The following SDK1 variants were observed in gnomAD, a reference collection of about 807,000 sequenced individuals.
SDK1 encodes the protein sidekick cell adhesion molecule 1.
In SDK1, 157 loss-of-function variants were observed where a neutral mutation model predicts 245.5. That is an observed-to-expected ratio of 0.64 (90% CI 0.56 to 0.73). The LOEUF is 0.73. Ranked by LOEUF, SDK1 falls within the 30% of genes least tolerant of loss-of-function variation. SDK1 has a pLI of 0.00. For synonymous variants in SDK1, 1,647 were observed against 1,278.5 expected, an observed-to-expected ratio of 1.29 and a Z score of -6.15; for missense variants, 3,583 against 3,002.3, an observed-to-expected ratio of 1.19 and a Z score of -4.52.
chr7:4,129,603 T>G, intron 26 of SDK1: 1 of 1,151,382 alleles, frequency 8.7e-7, no homozygotes, highest in East Asian at 4.1e-5. Flanking sequence ...GAGTCTTTGT[T>G]TTAGTGGCTG....
chr7:3,393,225 G>A (rs971222744), intron 1 of SDK1, among the ~76,000 whole-genome samples: 1 of 151,916 alleles, frequency 6.6e-6, no homozygotes, highest in Non-Finnish European at 1.5e-5. Context: ...ACCTACCTCA[G>A]CCTCCCACAG....
intron 44 of SDK1, among the ~76,000 whole-genome samples, chr7:4,256,904 A>G (rs1304847917): frequency 6.6e-6 from 1 of 152,210 alleles, no homozygotes; most frequent in Non-Finnish European, 1.5e-5. Flanking sequence ...CTATTGCTAA[A>G]GTGAAAATTC....
At chr7:3,626,551 A>T (rs192703447) in intron 2 of SDK1, among the ~76,000 whole-genome samples, 54 of 152,238 alleles carry the variant, frequency 3.5e-4, no homozygotes, top group Non-Finnish European at 6.3e-4. Context: ...CCCTCATCTC[A>T]CCTTTTAGTT....
Position 4,067,930 on chromosome 7 carries a change from A to T in SDK1, c.3004A>T (p.Ile1002Phe). 6.2e-7 allele frequency: 1 copy of T among 1,607,006 alleles called. No individual in the cohort carries two copies. Among genetic ancestry groups the T allele is most frequent in the Non-Finnish European group, 8.5e-7 (1 of 1,174,840 alleles). The change falls in exon 20 of 45, where the codon ATT becomes TTT. Residue 1002 changes from isoleucine (I) to phenylalanine (F), a missense_variant. Physicochemically the swap from Ile to Phe is conservative, Grantham distance 21. Transcript: ENST00000404826. ...GGAGCCCCTGGAGAAAAATGGCATCATTACTGGTAAGTAGGCCTGTCCTTC... is the reference window on the plus strand; with the variant it reads ...GGAGCCCCTGGAGAAAAATGGCATCTTTACTGGTAAGTAGGCCTGTCCTTC... Reference protein sequence around the residue: ...WQEPLEKNGIITGYQISWEVY... With the variant: ...WQEPLEKNGIFTGYQISWEVY...
chr7:3,692,633 A>G lies in SDK1; in HGVS notation c.713+50528A>G, dbSNP rs1583313228. On this transcript the variant is annotated intron_variant, in intron 4 of 44. Transcript: ENST00000404826. ...ATATAAACTCTTGGCTACATGTTTT[A>G]TTTAGTCTACTAGATAATCTAGAAT... 5.9e-5 allele frequency among the ~76,000 whole-genome samples: 9 copies of G among 152,216 alleles called. 2 individuals carry two copies. In the South Asian group the frequency reaches 1.9e-3, roughly 32 times the overall value.
intron 5 of SDK1, among the ~76,000 whole-genome samples, chr7:3,929,997 T>G (rs995309205): frequency 1.3e-5 from 2 of 152,140 alleles, no homozygotes; most frequent in African/African-American, 4.8e-5. Context: ...TTTATTTTCT[T>G]TACCTAATTG....
intron 1 of SDK1, among the ~76,000 whole-genome samples, chr7:3,405,803 T>G (rs1179933060): frequency 6.8e-6 from 1 of 147,102 alleles, no homozygotes; most frequent in Non-Finnish European, 1.5e-5. Context: ...TTTCTTTTCT[T>G]TTCTTTCTTT....
intron 1 of SDK1, among the ~76,000 whole-genome samples, chr7:3,454,423 T>TATGTGTGTGC (rs1554273969): frequency 6.7e-6 from 1 of 150,042 alleles, no homozygotes; most frequent in Non-Finnish European, 1.5e-5. Context: ...TGTGTGTGTG[T>TATGTGTGTGC]GCTGTGTACA....
chr7:3,454,261 T>G (rs527863006), intron 1 of SDK1, among the ~76,000 whole-genome samples: 4 of 152,306 alleles, frequency 2.6e-5, no homozygotes, highest in African/African-American at 9.6e-5. Context: ...ACAGCTAGAT[T>G]ATGAAAATCA....
At chr7:3,323,064 A>G (rs1384785660) in intron 1 of SDK1, among the ~76,000 whole-genome samples, 1 of 152,052 alleles carries the variant, frequency 6.6e-6, no homozygotes, top group African/African-American at 2.4e-5. Flanking sequence ...GGCCTCCTAG[A>G]GTGCTGAAAT....
At chr7:3,598,314 T>G (rs139601789) in intron 1 of SDK1, among the ~76,000 whole-genome samples, 1 of 152,232 alleles carries the variant, frequency 6.6e-6, no homozygotes. Context: ...TTGCAAGATA[T>G]GCATTATCAG....
At chr7:3,602,909 T>C (rs924792367) in intron 1 of SDK1, among the ~76,000 whole-genome samples, 16 of 152,120 alleles carry the variant, frequency 1.1e-4, no homozygotes, top group African/African-American at 3.9e-4. Context: ...TAGCCAGTTT[T>C]CCCAGCACCA....
chr7:3,557,970 A>G (rs1447177300), intron 1 of SDK1, among the ~76,000 whole-genome samples: 1 of 152,178 alleles, frequency 6.6e-6, no homozygotes, highest in Non-Finnish European at 1.5e-5. Flanking sequence ...AATTATCAGT[A>G]TTAGACAAAG....
rs184157047 is a variant in SDK1, at chr7:3,676,407, G to T, written c.713+34302G>T. Among the ~76,000 whole-genome samples the T allele has an allele frequency of 1.5e-3, 229 of 148,062 alleles. 4 individuals are homozygous for T. The highest frequency in any genetic ancestry group is 5.5e-3 in the African/African-American group (222 of 40,132). ...GTGGCGCAGTCTCAGCTCAGTGCAA[G>T]CTCCACCTCCCAGGTTCACACCATT... On this transcript the variant is annotated intron_variant, in intron 4 of 44. Coordinates refer to ENST00000404826, the MANE Select transcript of SDK1 (RefSeq NM_152744.4).
At chr7:3,538,853 T>C (rs888597036) in intron 1 of SDK1, among the ~76,000 whole-genome samples, 1 of 152,172 alleles carries the variant, frequency 6.6e-6, no homozygotes, top group Non-Finnish European at 1.5e-5. Context: ...CCAAAGAAAG[T>C]GTTCCAAAAG....
chr7:3,825,799 C>A (rs999148498), intron 5 of SDK1, among the ~76,000 whole-genome samples: 9 of 152,148 alleles, frequency 5.9e-5, no homozygotes, highest in African/African-American at 2.2e-4. Flanking sequence ...TCCTATTTTC[C>A]TTGTACCGTT....
intron 4 of SDK1, among the ~76,000 whole-genome samples, chr7:3,793,286 ATCTTG>A (rs1778863496): frequency 6.6e-6 from 1 of 152,150 alleles, no homozygotes. Flanking sequence ...TCAGCTTTAA[ATCTTG>A]TCTTCCATTC....
At chr7:4,033,762 A>T (rs28634483) in intron 17 of SDK1, among the ~76,000 whole-genome samples, 47,351 of 151,978 alleles carry the variant, frequency 0.31, 11,297 homozygotes, top group African/African-American at 0.67. Context: ...CACACAGAGA[A>T]CAATGTGATA....
intron 4 of SDK1, among the ~76,000 whole-genome samples, chr7:3,711,224 C>A (rs1008808631): frequency 6.6e-6 from 1 of 152,180 alleles, no homozygotes; most frequent in African/African-American, 2.4e-5. Flanking sequence ...ATCTCTTCTT[C>A]TCTTTAAAGT....
Sources: allele counts gnomAD v4.1 joint callset (sites outside exome capture counted in the v4.1 genomes callset), GRCh38; gene constraint gnomAD v4.1.1; transcripts MANE v1.5; gene names NCBI Gene and HGNC (gene_info 2026-07-23, HGNC 2026-07-21).